Variants in HYAL3 observed in about 807,000 individuals in gnomAD.
The protein encoded by HYAL3 is hyaluronidase-3.
A neutral mutation model predicts 29.6 loss-of-function variants in HYAL3; 25 were observed. The observed-to-expected ratio is 0.85, with a 90% CI of 0.62 to 1.18. HYAL3 has a LOEUF of 1.18. Among genes scored for constraint, HYAL3 ranks in the 50% most tolerant of loss-of-function variants. The pLI is 0.00. For synonymous variants in HYAL3, 215 were observed against 218.3 expected (o/e 0.99, Z 0.13); for missense variants, 442 against 548.4 (o/e 0.81, Z 1.94).
chr3:50,299,345 C>A lies in HYAL3; in HGVS notation c.-150G>T. 1.3e-6 allele frequency: 2 copies of A among 1,569,184 alleles called. No homozygotes were observed. The highest frequency in any genetic ancestry group is 1.7e-6 in the Non-Finnish European group (2 of 1,159,930). ...GGTGCGGCGGATGTTCTGCAGCCGT[C>A]GCGTCCTGCGGCACGCCACGGCGTT... is the stretch of plus-strand genomic sequence containing the variant. On this transcript the variant is annotated 5_prime_UTR_variant, in exon 1 of 4. Coordinates refer to ENST00000336307, the MANE Select transcript of HYAL3 (RefSeq NM_003549.4).
rs181805747 is a variant in HYAL3 at position 50,297,202 on chromosome 3, T to C, written c.-17-1583A>G. ...TGGCCCAGGGAGTGCAGGCGGGAGGTGCGGCTGCGGGGCCACTGATCATTG... is the reference window on the plus strand; with the variant it reads ...TGGCCCAGGGAGTGCAGGCGGGAGGCGCGGCTGCGGGGCCACTGATCATTG... On this transcript the variant is annotated intron_variant, in intron 1 of 3. Coordinates refer to ENST00000336307, the MANE Select transcript of HYAL3 (RefSeq NM_003549.4). This position sits in a 1 kb window ranked among gnomAD's most constrained non-coding sequence, Gnocchi z 4.3. 1,688 of 1,611,264 alleles carry C rather than the reference T, an allele frequency of 1.0e-3. 14 individuals are homozygous for C. In the African/African-American group the frequency reaches 0.02, roughly 19 times the overall value.
At position 50,297,783 on chromosome 3, in the gene HYAL3, G is replaced by A. The variant is rs1701914413; in HGVS notation, c.-18+1430C>T. 1 of 1,236,734 alleles carries A rather than the reference G, an allele frequency of 8.1e-7. No homozygotes were observed. The highest frequency in any genetic ancestry group is 1.0e-6 in the Non-Finnish European group (1 of 988,708). 76.6% of individuals were successfully genotyped at this position (1,236,734 alleles called of 1,614,324 possible). A position where few individuals can be genotyped will look rare whatever the true frequency, so the allele number is the denominator to read the frequency against. ...TGCATACTGGAACTGGGGAGTGGTG[G>A]GCTGCACTTTGTCCCACACTCACCT... On this transcript the variant is annotated intron_variant, in intron 1 of 3. Coordinates refer to ENST00000336307, the MANE Select transcript of HYAL3 (RefSeq NM_003549.4). The surrounding 1 kb of genome is among the most constrained non-coding windows in gnomAD (Gnocchi z 4.3).
intron 1 of HYAL3, chr3:50,296,965 G>C (rs1022020856): frequency 4.4e-6 from 7 of 1,594,956 alleles, no homozygotes; most frequent in Non-Finnish European, 5.1e-6. Context: ...CGGAAGCCCC[G>C]GGCCCGAGCA....
At chr3:50,298,804 G>A in intron 1 of HYAL3, 3 of 1,130,814 alleles carry the variant, frequency 2.7e-6, no homozygotes, top group Non-Finnish European at 3.3e-6. Flanking sequence ...CCATTCACAG[G>A]GCTGTAAGCC....
rs1421402103 is a variant in HYAL3, at chr3:50,298,893, G to T, written c.-18+320C>A. 5 of 1,340,756 alleles carry T rather than the reference G, an allele frequency of 3.7e-6. No individual in the cohort carries two copies. The Admixed American group carries it at 1.6e-4, about 43-fold the overall frequency. 83.1% of individuals were successfully genotyped at this position (1,340,756 alleles called of 1,614,324 possible). A position where few individuals can be genotyped will look rare whatever the true frequency, so the allele number is the denominator to read the frequency against. ...GGAAGCCCCAGGATCCGCCCCTAGG[G>T]CTGAGCCCGGGGCTTCCCCGCGGCC... On this transcript the variant is annotated intron_variant, in intron 1 of 3. Transcript: ENST00000336307.
rs1553711900 is a variant in HYAL3, at chr3:50,299,227, C to G, written c.-32G>C. The G allele has an allele frequency of 3.1e-6, 5 of 1,614,152 alleles. No homozygotes were observed. In the South Asian group the frequency reaches 5.5e-5, roughly 18 times the overall value. ...GCGGTACTGACATGTTGATGCTGGC[C>G]TCTGGGATGTTCCGCGTCCTAGCTC... On this transcript the variant is annotated 5_prime_UTR_variant, in exon 1 of 4. Transcript: ENST00000336307.
chr3:50,296,644 C>T, intron 1 of HYAL3: 1 of 1,614,020 alleles, frequency 6.2e-7, no homozygotes. Context: ...CGCCCCCTCA[C>T]ATTTTGATAT....
chr3:50,298,829 G>A, intron 1 of HYAL3: 1 of 1,191,002 alleles, frequency 8.4e-7, no homozygotes, highest in East Asian at 5.0e-5. Context: ...ACCTGCATCA[G>A]CCACCTCTGC....
At chr3:50,296,733 G>T (rs1575501007) in intron 1 of HYAL3, 1 of 1,611,800 alleles carries the variant, frequency 6.2e-7, no homozygotes, top group African/African-American at 1.3e-5. Context: ...TAGGGGAGGG[G>T]GTGGTGGCAA....
In HYAL3 at chr3:50,297,598, G is replaced by C. The variant is rs1164391410; in HGVS notation, c.-18+1615C>G. 65 of 1,486,254 alleles carry C rather than the reference G, an allele frequency of 4.4e-5. No individual in the cohort carries two copies. Among genetic ancestry groups the C allele is most frequent in the Non-Finnish European group, 5.4e-5 (61 of 1,122,014 alleles). 92.1% of individuals were successfully genotyped at this position (1,486,254 alleles called of 1,614,324 possible). A position where few individuals can be genotyped will look rare whatever the true frequency, so the allele number is the denominator to read the frequency against. ...GTCACCTGCTGCTAGGTTGCAGGTG[G>C]CTCAGTGCCAGGCTGGAGGTTAAGA... is the stretch of plus-strand genomic sequence containing the variant. On this transcript the variant is annotated intron_variant, in intron 1 of 3. Coordinates refer to ENST00000336307, the MANE Select transcript of HYAL3 (RefSeq NM_003549.4). This position sits in a 1 kb window ranked among gnomAD's most constrained non-coding sequence, Gnocchi z 4.3.
Position 50,297,972 on chromosome 3 carries a change from GTCC to G in HYAL3, c.-18+1238_-18+1240del. 1.0e-6 allele frequency: 1 copy of G among 987,880 alleles called. No individual in the cohort carries two copies. The highest frequency in any genetic ancestry group is 1.2e-6 in the Non-Finnish European group (1 of 831,802). 61.2% of individuals were successfully genotyped at this position (987,880 alleles called of 1,614,324 possible). On this transcript the variant is annotated intron_variant, in intron 1 of 3. Transcript: ENST00000336307. This position sits in a 1 kb window ranked among gnomAD's most constrained non-coding sequence, Gnocchi z 4.3. ...CCCAGCCTGCTCTGGCTACAAATTTGTCCTCCTCAGGACCTCCCCTCACAGGGG... is the reference window on the plus strand; with the variant it reads ...CCCAGCCTGCTCTGGCTACAAATTTGTCCTCAGGACCTCCCCTCACAGGGG...
chr3:50,298,877 A>G (rs1553711809), intron 1 of HYAL3: 5 of 1,306,902 alleles, frequency 3.8e-6, no homozygotes, highest in Non-Finnish European at 4.9e-6. Context: ...AGGAAGCCCC[A>G]GGATCCGCCC....
At position 50,297,366 on chromosome 3, in the gene HYAL3, G is replaced by C. The variant is rs782062604; in HGVS notation, c.-17-1747C>G. The C allele has an allele frequency of 1.2e-6, 2 of 1,613,164 alleles. No individual in the cohort carries two copies. Among genetic ancestry groups the C allele is most frequent in the Admixed American group, 3.3e-5 (2 of 59,890 alleles). On this transcript the variant is annotated intron_variant, in intron 1 of 3. Coordinates refer to ENST00000336307, the MANE Select transcript of HYAL3 (RefSeq NM_003549.4). The surrounding 1 kb of genome is among the most constrained non-coding windows in gnomAD (Gnocchi z 4.3). ...AAGCTCAGTTGGACCAGGATTGAAG[G>C]TCATCTCTGGTTGGCATGTGGAATC...
rs760731531 is a variant in HYAL3, at chr3:50,296,311, G to A, written c.-17-692C>T. On this transcript the variant is annotated intron_variant, in intron 1 of 3. Transcript: ENST00000336307. The stretch of plus-strand genomic sequence containing the variant: ...CTCCCATCAATGGCCTCAGGGCCAA[G>A]GTGGATCTGGAGACTTCTGCAGGGA... The A allele has an allele frequency of 9.0e-6, 4 of 444,204 alleles. No individual in the cohort carries two copies. The East Asian group carries it at 1.5e-4, about 17-fold the overall frequency. The allele number at this position is 444,204 out of a possible 1,614,324, so 27.5% of individuals were successfully genotyped here. A position where few individuals can be genotyped will look rare whatever the true frequency, so the allele number is the denominator to read the frequency against.
Position 50,295,187 on chromosome 3 carries a change from C to T in HYAL3, c.416G>A (p.Trp139Ter). 1 of 1,613,418 alleles carries T rather than the reference C, an allele frequency of 6.2e-7. No homozygotes were observed. Among genetic ancestry groups the T allele is most frequent in the Non-Finnish European group, 8.5e-7 (1 of 1,180,044 alleles). ...TGCCTGATAAGCTCGGCGGCGGCCC[C>T]AGTTCCCAGCCCAGAGTGGACACCA... ...EEWCPLWAGN[W>*]GRRRAYQAAS... Residue 139 changes from tryptophan to a stop codon, truncating the protein, a stop_gained, in exon 2 of 4, where the codon TGG (tryptophan) becomes TAG (stop). Coordinates refer to ENST00000336307, the MANE Select transcript of HYAL3 (RefSeq NM_003549.4). LOFTEE classifies it high-confidence loss of function.
intron 1 of HYAL3, chr3:50,296,949 A>G (rs1553711310): frequency 5.0e-6 from 8 of 1,603,548 alleles, no homozygotes; most frequent in Admixed American, 1.7e-5. Context: ...GGTGAGATGC[A>G]GCTTGCGGAA....
chr3:50,297,190 G>A lies in HYAL3; in HGVS notation c.-17-1571C>T. On this transcript the variant is annotated intron_variant, in intron 1 of 3. Transcript: ENST00000336307. The surrounding 1 kb of genome is among the most constrained non-coding windows in gnomAD (Gnocchi z 4.3). The stretch of plus-strand genomic sequence containing the variant: ...GCATCTGAGGACTGGCCCAGGGAGT[G>A]CAGGCGGGAGGTGCGGCTGCGGGGC... 6.2e-7 allele frequency: 1 copy of A among 1,612,258 alleles called. No individual in the cohort carries two copies. Among genetic ancestry groups the A allele is most frequent in the East Asian group, 2.2e-5 (1 of 44,832 alleles).
At position 50,294,952 on chromosome 3, in the gene HYAL3, G is replaced by T. The variant is rs373097788; in HGVS notation, c.651C>A (p.Thr217=). The T allele has an allele frequency of 6.2e-7, 1 of 1,609,002 alleles. No homozygotes were observed. The highest frequency in any genetic ancestry group is 1.3e-5 in the African/African-American group (1 of 74,970). The part of the protein sequence containing the change: ...NGWHSMASNY[T]GRCHAATLAR... The stretch of plus-strand genomic sequence containing the variant: ...CAAGGGTGGCTGCATGGCAGCGGCC[G>T]GTATAGTTGGAAGCCATACTATGCC... The change falls in exon 2 of 4, where the codon ACC becomes ACA. Residue 217 remains threonine (T), a synonymous_variant. Coordinates refer to ENST00000336307, the MANE Select transcript of HYAL3 (RefSeq NM_003549.4).
chr3:50,295,566 C>T lies in HYAL3; in HGVS notation c.37G>A (p.Val13Met). 6.4e-7 allele frequency: 1 copy of T among 1,569,888 alleles called. No individual in the cohort carries two copies. Among genetic ancestry groups the T allele is most frequent in the Non-Finnish European group, 8.7e-7 (1 of 1,155,496 alleles). ...TGGCCACAACCCAGGCACAGGGCCA[C>T]CCCCAGCACCAGGGCTGGGCCCAGT... ...TQLGPALVLG[V>M]ALCLGCGQPL... Residue 13 changes from valine to methionine, a missense_variant, in exon 2 of 4, where the codon GTG becomes ATG. Transcript: ENST00000336307.
Sources: gnomAD v4.1 joint callset for allele counts on GRCh38, gnomAD v4.1.1 for gene constraint, Gnocchi (gnomAD v3.1) non-coding constraint, MANE v1.5 for transcripts, NCBI Gene and HGNC (gene_info 2026-07-23, HGNC 2026-07-21) for gene names.